PKIB: variants seen among roughly 807,000 people sequenced by gnomAD.
PKIB encodes the protein PKI-beta.
PKIB carries 2 observed loss-of-function variants against 4.5 expected under a neutral mutation model. The ratio of observed to expected loss-of-function variants is 0.44; its 90% CI spans 0.18 to 1.39. The LOEUF (loss-of-function observed/expected upper bound fraction) is 1.39, where lower values mean the gene tolerates loss of function less well. PKIB is among the 40% of genes most tolerant of loss of function. The pLI, the probability that PKIB is intolerant of heterozygous loss-of-function variation, is 0.27. For synonymous variants in PKIB, 38 were observed against 36.0 expected (o/e 1.06, Z -0.20); for missense variants, 94 against 92.6 (o/e 1.02, Z -0.06).
At chr6:122,517,738 C>G (rs994583052) in intron 2 of PKIB, among the ~76,000 whole-genome samples, 1 of 152,170 alleles carries the variant, frequency 6.6e-6, no homozygotes, top group Non-Finnish European at 1.5e-5. Context: ...TTATGGCATT[C>G]TGTTTTTAGT....
intron 2 of PKIB, among the ~76,000 whole-genome samples, chr6:122,654,482 A>T (rs972910023): frequency 6.6e-6 from 1 of 152,200 alleles, no homozygotes; most frequent in Non-Finnish European, 1.5e-5. Flanking sequence ...TGCTAAAGGT[A>T]AACTCACACA....
At chr6:122,590,744 G>C (rs2566835) in intron 3 of PKIB, among the ~76,000 whole-genome samples, 59,949 of 151,950 alleles carry the variant, frequency 0.39, 12,430 homozygotes, top group South Asian at 0.58. Flanking sequence ...TCTTGGTCTA[G>C]CATGCCCAAG....
At chr6:122,509,539 T>C (rs1324261414) in intron 2 of PKIB, among the ~76,000 whole-genome samples, 1 of 151,892 alleles carries the variant, frequency 6.6e-6, no homozygotes, top group East Asian at 1.9e-4. Flanking sequence ...TGCGCCATTC[T>C]CCTGCCTTAG....
intron 2 of PKIB, among the ~76,000 whole-genome samples, chr6:122,509,667 G>A (rs1462151602): frequency 3.3e-5 from 5 of 151,936 alleles, no homozygotes; most frequent in South Asian, 2.1e-4. Flanking sequence ...TCCTGACCTC[G>A]TGATCTGCCC....
At chr6:122,609,232 A>G (rs1196307048), upstream of PKIB, among the ~76,000 whole-genome samples, 1 of 152,242 alleles carries the variant, frequency 6.6e-6, no homozygotes. Context: ...TTAGCAGAGT[A>G]TAATTTAAGG....
chr6:122,601,121 A>G (rs1419288692), intron 3 of PKIB, among the ~76,000 whole-genome samples: 1 of 152,026 alleles, frequency 6.6e-6, no homozygotes, highest in East Asian at 1.9e-4. Flanking sequence ...AATAAAACAC[A>G]GAAAGAAAAA....
chr6:122,705,564 CTTTT>C (rs142542177), intron 3 of PKIB, among the ~76,000 whole-genome samples: 23 of 113,386 alleles, frequency 2.0e-4, no homozygotes, highest in South Asian at 9.7e-4. Context: ...GAAAGCGCAT[CTTTT>C]TTTTTTTTTT....
At chr6:122,508,704 A>T (rs906598115) in intron 2 of PKIB, among the ~76,000 whole-genome samples, 1 of 152,156 alleles carries the variant, frequency 6.6e-6, no homozygotes, top group African/African-American at 2.4e-5. Context: ...TATGTTGAGT[A>T]GCTTGTACAA....
chr6:122,512,545 C>T (rs990891938), intron 2 of PKIB, among the ~76,000 whole-genome samples: 1 of 152,140 alleles, frequency 6.6e-6, no homozygotes, highest in South Asian at 2.1e-4. Context: ...AACCTGGACT[C>T]TCTGGACCAT....
At chr6:122,560,188 T>C (rs1772972410) in intron 2 of PKIB, among the ~76,000 whole-genome samples, 1 of 152,162 alleles carries the variant, frequency 6.6e-6, no homozygotes, top group South Asian at 2.1e-4. Context: ...TTGTCGTAGA[T>C]GGCTTTTATT....
At chr6:122,555,663 G>C (rs1772814816) in intron 2 of PKIB, among the ~76,000 whole-genome samples, 2 of 152,120 alleles carry the variant, frequency 1.3e-5, no homozygotes, top group Admixed American at 1.3e-4. Flanking sequence ...CTATCCTGCA[G>C]GCCTTCTTTT....
intron 4 of PKIB, among the ~76,000 whole-genome samples, chr6:122,721,758 A>G (rs889193334): frequency 2.0e-5 from 3 of 151,916 alleles, no homozygotes; most frequent in Non-Finnish European, 2.9e-5. Context: ...AAGATATATA[A>G]TAAGGATCTC....
At chr6:122,562,828 G>A (rs1419864578) in intron 2 of PKIB, among the ~76,000 whole-genome samples, 1 of 151,514 alleles carries the variant, frequency 6.6e-6, no homozygotes, top group Admixed American at 6.6e-5. Context: ...TTTTCCTTAA[G>A]CTATCTATTT....
At chr6:122,514,228 ATTCT>A (rs948127513) in intron 2 of PKIB, among the ~76,000 whole-genome samples, 5 of 152,154 alleles carry the variant, frequency 3.3e-5, no homozygotes, top group African/African-American at 7.2e-5. Flanking sequence ...GGAAAAAAAA[ATTCT>A]TTCTTTGAGA....
At chr6:122,644,825 T>G (rs761329309) in intron 2 of PKIB, 4 of 152,098 alleles carry the variant, frequency 2.6e-5, no homozygotes, top group Non-Finnish European at 5.9e-5. Context: ...CACTGATGAT[T>G]TCTTTGTCAT....
At chr6:122,682,012 C>T (rs1777914284) in intron 3 of PKIB, among the ~76,000 whole-genome samples, 1 of 152,140 alleles carries the variant, frequency 6.6e-6, no homozygotes, top group African/African-American at 2.4e-5. Flanking sequence ...GAAATTTCTA[C>T]ATCCTATTTT....
At chr6:122,509,481 A>G (rs1038429980) in intron 2 of PKIB, among the ~76,000 whole-genome samples, 2 of 151,178 alleles carry the variant, frequency 1.3e-5, no homozygotes, top group African/African-American at 4.9e-5. Flanking sequence ...CCCAGGCTGG[A>G]GTCCAGTGGT....
rs541219314 is a variant in PKIB, at chr6:122,522,807, C to T, written c.-248+44868C>T. Among the ~76,000 whole-genome samples the T allele has an allele frequency of 3.9e-5, 6 of 152,350 alleles. No homozygotes were observed. The East Asian group carries it at 1.2e-3, about 29-fold the overall frequency. Reference sequence around the variant, plus strand: ...AGTTGGAAATGCAGAAATCCCTTGCCTTCTGCATTGATCTCGCTGGGAGCT... The same window carrying T: ...AGTTGGAAATGCAGAAATCCCTTGCTTTCTGCATTGATCTCGCTGGGAGCT... On this transcript the variant is annotated intron_variant, in intron 2 of 6. Transcript: ENST00000392491.
chr6:122,654,027 C>T (rs1582779955), intron 2 of PKIB, among the ~76,000 whole-genome samples: 1 of 152,186 alleles, frequency 6.6e-6, no homozygotes, highest in African/African-American at 2.4e-5. Context: ...TCACTGGCTG[C>T]CTTTCCCCGT....
Sources: gnomAD v4.1 joint callset for allele counts (sites outside exome capture counted in the v4.1 genomes callset) on GRCh38, gnomAD v4.1.1 for gene constraint, MANE v1.5 for transcripts, NCBI Gene and HGNC (gene_info 2026-07-23, HGNC 2026-07-21) for gene names.